ADGRL3: variants seen among roughly 807,000 people sequenced by gnomAD.
The protein encoded by ADGRL3 is calcium-independent alpha-latrotoxin receptor 3.
ADGRL3 carries 62 observed loss-of-function variants against 153.5 expected under a neutral mutation model. The ratio of observed to expected loss-of-function variants is 0.40; its 90% CI spans 0.33 to 0.50. ADGRL3 has a LOEUF of 0.50. Among genes scored for constraint, ADGRL3 ranks in the 20% least tolerant of loss-of-function variants. ADGRL3 has a pLI of 0.47. For synonymous variants in ADGRL3, 710 were observed against 672.5 expected, an observed-to-expected ratio of 1.06 and a Z score of -0.86; for missense variants, 1,641 against 1,859.4, an observed-to-expected ratio of 0.88 and a Z score of 2.16.
intron 25 of ADGRL3, among the ~76,000 whole-genome samples, chr4:62,058,377 C>A (rs1441900576): frequency 1.3e-5 from 2 of 152,068 alleles, no homozygotes; most frequent in Non-Finnish European, 2.9e-5. Context: ...AAAAAATTTA[C>A]TAAAATTATA....
chr4:61,717,376 T>C (rs2096141860), intron 6 of ADGRL3, among the ~76,000 whole-genome samples: 1 of 152,164 alleles, frequency 6.6e-6, no homozygotes. Flanking sequence ...AAAAAAATAA[T>C]TCAGTACCAA....
intron 13 of ADGRL3, among the ~76,000 whole-genome samples, chr4:61,930,260 G>A (rs897355789): frequency 2.0e-4 from 31 of 151,448 alleles, no homozygotes; most frequent in African/African-American, 7.0e-4. Flanking sequence ...TTATTTTTAC[G>A]TTTTTCAAAT....
intron 1 of ADGRL3, among the ~76,000 whole-genome samples, chr4:61,363,267 G>C (rs2096324186): frequency 6.6e-6 from 1 of 152,068 alleles, no homozygotes; most frequent in African/African-American, 2.4e-5. Flanking sequence ...TCCTACTGCT[G>C]TGGGTGGAAT....
At chr4:61,387,359 C>G (rs1450827307) in intron 2 of ADGRL3, among the ~76,000 whole-genome samples, 2 of 152,118 alleles carry the variant, frequency 1.3e-5, no homozygotes, top group African/African-American at 4.8e-5. Flanking sequence ...TTGATAACAT[C>G]TTATCAGGAG....
intron 1 of ADGRL3, among the ~76,000 whole-genome samples, chr4:61,353,340 C>A (rs2096090800): frequency 6.6e-6 from 1 of 152,006 alleles, no homozygotes; most frequent in Admixed American, 6.6e-5. Flanking sequence ...TATAAACACA[C>A]ATACACCCAT....
At chr4:61,693,058 G>A (rs1404212398) in intron 6 of ADGRL3, among the ~76,000 whole-genome samples, 1 of 152,110 alleles carries the variant, frequency 6.6e-6, no homozygotes, top group African/African-American at 2.4e-5. Flanking sequence ...GAAAATGACA[G>A]TGCCAAAATT....
At chr4:61,772,925 T>G (rs974310917) in intron 8 of ADGRL3, among the ~76,000 whole-genome samples, 2 of 152,186 alleles carry the variant, frequency 1.3e-5, no homozygotes, top group African/African-American at 4.8e-5. Context: ...TAAAATATTA[T>G]GTTTAAAATA....
chr4:61,528,882 AAGG>A (rs2098594591), intron 4 of ADGRL3, among the ~76,000 whole-genome samples: 1 of 152,134 alleles, frequency 6.6e-6, no homozygotes, highest in Admixed American at 6.5e-5. Context: ...GTAGTAGCAC[AAGG>A]CTTACTCTGT....
At chr4:62,031,676 C>G in intron 23 of ADGRL3, 66 bp downstream of exon 23, 1 of 1,080,550 alleles carries the variant, frequency 9.3e-7, no homozygotes. Flanking sequence ...GCAGCCACAA[C>G]ATATTCTAAT....
chr4:61,997,300 C>A (rs1441861053), intron 20 of ADGRL3, among the ~76,000 whole-genome samples: 1 of 150,338 alleles, frequency 6.7e-6, no homozygotes, highest in Non-Finnish European at 1.5e-5. Flanking sequence ...CCATGGACAG[C>A]CTTATGTCAA....
chr4:61,563,422 G>C (rs2098803591), intron 4 of ADGRL3, among the ~76,000 whole-genome samples: 1 of 152,098 alleles, frequency 6.6e-6, no homozygotes. Flanking sequence ...TTTTCAGAGT[G>C]GTAAATAAGT....
intron 1 of ADGRL3, among the ~76,000 whole-genome samples, chr4:61,331,308 A>G (rs1484983536): frequency 6.6e-6 from 1 of 152,220 alleles, no homozygotes; most frequent in Admixed American, 6.5e-5. Flanking sequence ...TGTAGGAGAT[A>G]CGTCCTCCAA....
intron 24 of ADGRL3, among the ~76,000 whole-genome samples, chr4:62,043,177 A>G (rs1729315172): frequency 6.6e-6 from 1 of 151,968 alleles, no homozygotes; most frequent in Non-Finnish European, 1.5e-5. Flanking sequence ...GGCATATTGT[A>G]CTTTTGCATT....
chr4:61,670,682 A>G (rs974273686), intron 5 of ADGRL3, among the ~76,000 whole-genome samples: 5 of 152,148 alleles, frequency 3.3e-5, no homozygotes, highest in African/African-American at 7.2e-5. Flanking sequence ...GTTGCAAAAA[A>G]TGATGCTGAG....
chr4:62,012,532 C>T (rs573689695), intron 21 of ADGRL3, among the ~76,000 whole-genome samples: 1 of 152,286 alleles, frequency 6.6e-6, no homozygotes, highest in South Asian at 2.1e-4. Context: ...AGGATTTCAA[C>T]AGATAGTCTG....
rs542638588 is a variant in ADGRL3, at chr4:61,891,797, A to G, written c.1481-859A>G. ...GGTATGCAGTCTGTGTACAGGAAGG[A>G]CAAGCATACTCTTGCATTTCCATGA... is the stretch of plus-strand genomic sequence containing the variant. On this transcript the variant is annotated intron_variant, in intron 9 of 26. Transcript: ENST00000683033. 6.6e-5 allele frequency among the ~76,000 whole-genome samples: 10 copies of G among 152,290 alleles called. No individual in the cohort carries two copies. In the South Asian group the frequency reaches 1.7e-3, roughly 25 times the overall value.
chr4:62,006,003 C>CACACACACACAT (rs1230956055), intron 21 of ADGRL3, among the ~76,000 whole-genome samples: 71 of 48,984 alleles, frequency 1.4e-3, no homozygotes, highest in East Asian at 6.3e-3. Flanking sequence ...CACACACACA[C>CACACACACACAT]ATATATATAT....
At chr4:61,617,340 G>A (rs890030344) in intron 5 of ADGRL3, among the ~76,000 whole-genome samples, 6 of 151,956 alleles carry the variant, frequency 3.9e-5, no homozygotes, top group African/African-American at 1.5e-4. Flanking sequence ...GATTTCATTC[G>A]TATTTTCCTT....
At chr4:61,645,088 CAG>C (rs1303305224) in intron 5 of ADGRL3, among the ~76,000 whole-genome samples, 3 of 149,938 alleles carry the variant, frequency 2.0e-5, no homozygotes, top group Non-Finnish European at 4.4e-5. Flanking sequence ...TCTGTTTTAT[CAG>C]AGACTAGGAT....
Sources: allele counts gnomAD v4.1 joint callset (sites outside exome capture counted in the v4.1 genomes callset), GRCh38; gene constraint gnomAD v4.1.1; transcripts MANE v1.5; gene names NCBI Gene and HGNC (gene_info 2026-07-23, HGNC 2026-07-21).